Variants in ARHGAP24 observed in about 807,000 individuals in gnomAD.
The protein encoded by ARHGAP24 is rho GTPase-activating protein 24.
In ARHGAP24, 50 loss-of-function variants were observed where a neutral mutation model predicts 76.4. That is an observed-to-expected ratio of 0.65 (90% CI 0.52 to 0.83). The LOEUF (loss-of-function observed/expected upper bound fraction) is 0.83, where lower values mean the gene tolerates loss of function less well. Ranked by LOEUF, ARHGAP24 falls within the 40% of genes least tolerant of loss-of-function variation. ARHGAP24 has a pLI of 0.00. For missense variants in ARHGAP24, 930 were observed against 914.2 expected (o/e 1.02, Z -0.22); for synonymous variants, 345 against 323.3 (o/e 1.07, Z -0.72).
At chr4:85,552,868 C>G (rs942920474) in intron 1 of ARHGAP24, among the ~76,000 whole-genome samples, 3 of 152,022 alleles carry the variant, frequency 2.0e-5, no homozygotes, top group East Asian at 3.9e-4. Context: ...TTCTCTATCC[C>G]TTTACTTTGA....
intron 3 of ARHGAP24, among the ~76,000 whole-genome samples, chr4:85,775,206 C>T (rs1335140711): frequency 4.0e-5 from 6 of 149,888 alleles, no homozygotes; most frequent in Non-Finnish European, 8.9e-5. Flanking sequence ...GGGAAATCTT[C>T]TTTCTGAGGA....
At chr4:85,859,212 T>TACATACACAC (rs1731746961) in intron 3 of ARHGAP24, among the ~76,000 whole-genome samples, 1 of 145,454 alleles carries the variant, frequency 6.9e-6, no homozygotes, top group African/African-American at 2.5e-5. Flanking sequence ...GCCACATGCA[T>TACATACACAC]ACACACACAC....
At chr4:85,642,591 CA>C (rs1721562312) in intron 2 of ARHGAP24, among the ~76,000 whole-genome samples, 1 of 145,204 alleles carries the variant, frequency 6.9e-6, no homozygotes, top group Non-Finnish European at 1.5e-5. Context: ...CAATAGCTCA[CA>C]TTCATTTGAA....
chr4:85,479,314 G>A (rs116161908), intron 1 of ARHGAP24, among the ~76,000 whole-genome samples: 2 of 152,076 alleles, frequency 1.3e-5, no homozygotes, highest in African/African-American at 4.8e-5. Flanking sequence ...TTTTTCTTTT[G>A]GACATCACAA....
chr4:85,641,404 T>A lies in ARHGAP24; in HGVS notation c.180+70683T>A, dbSNP rs569187726. ...GTAGTTTAAGCAGCAGAAATTAATT[T>A]CCTCCCAATACTGGAGGTGAGAAAT... is the stretch of plus-strand genomic sequence containing the variant. On this transcript the variant is annotated intron_variant, in intron 2 of 9. Coordinates refer to ENST00000395184, the MANE Select transcript of ARHGAP24 (RefSeq NM_001025616.3). Among the ~76,000 whole-genome samples the A allele has an allele frequency of 5.9e-5, 9 of 152,304 alleles. No individual in the cohort carries two copies. In the East Asian group the frequency reaches 1.7e-3, roughly 29 times the overall value.
At chr4:85,785,012 T>C (rs1727763684) in intron 3 of ARHGAP24, among the ~76,000 whole-genome samples, 2 of 152,068 alleles carry the variant, frequency 1.3e-5, no homozygotes, top group South Asian at 2.1e-4. Flanking sequence ...TAAATATAGA[T>C]AGATATAATT....
At chr4:85,666,689 C>G (rs917450061) in intron 2 of ARHGAP24, among the ~76,000 whole-genome samples, 3 of 152,236 alleles carry the variant, frequency 2.0e-5, no homozygotes, top group African/African-American at 7.2e-5. Context: ...GATGTCCTTT[C>G]TGTTTGTTAG....
intron 3 of ARHGAP24, among the ~76,000 whole-genome samples, chr4:85,908,325 T>C (rs962703513): frequency 6.6e-6 from 1 of 152,230 alleles, no homozygotes; most frequent in Non-Finnish European, 1.5e-5. Context: ...ATGGTTTGTC[T>C]CCTTATTAAG....
intron 2 of ARHGAP24, among the ~76,000 whole-genome samples, chr4:85,598,315 A>G (rs1719909055): frequency 6.6e-6 from 1 of 152,126 alleles, no homozygotes; most frequent in South Asian, 2.1e-4. Flanking sequence ...GTCATATTTT[A>G]TAATTATGTC....
chr4:85,700,410 AATAAATAAAG>A lies in ARHGAP24; in HGVS notation c.181-21473_181-21464del, dbSNP rs768559967. On this transcript the variant is annotated intron_variant, in intron 2 of 9. Transcript: ENST00000395184. ...GATTCTGTCTAAAAAAAAAAAAATA[AATAAATAAAG>A]AAGAAGAAGAAAATGGAGCCAACAG... Among the ~76,000 whole-genome samples the A allele has an allele frequency of 9.7e-4, 24 of 24,676 alleles. 3 individuals are homozygous for A. Among genetic ancestry groups the A allele is most frequent in the Non-Finnish European group, 4.2e-3 (13 of 3,098 alleles). The allele number at this position is 24,676 out of a possible 152,430, so 16.2% of individuals were successfully genotyped here. A position where few individuals can be genotyped will look rare whatever the true frequency, so the allele number is the denominator to read the frequency against.
At chr4:85,780,469 G>A (rs1727501081) in intron 3 of ARHGAP24, among the ~76,000 whole-genome samples, 1 of 151,856 alleles carries the variant, frequency 6.6e-6, no homozygotes, top group Non-Finnish European at 1.5e-5. Flanking sequence ...ACTGCGCCCA[G>A]CCTTTTTTTA....
intron 2 of ARHGAP24, among the ~76,000 whole-genome samples, chr4:85,715,956 C>T (rs1156618572): frequency 1.3e-5 from 2 of 151,946 alleles, no homozygotes; most frequent in African/African-American, 4.8e-5. Flanking sequence ...TTTAATAAAA[C>T]CTGTTGAATA....
chr4:85,922,742 G>A (rs1343215051), intron 3 of ARHGAP24, among the ~76,000 whole-genome samples: 2 of 152,116 alleles, frequency 1.3e-5, no homozygotes, highest in African/African-American at 4.8e-5. Flanking sequence ...CTCAAGACCT[G>A]TTTCAAGGTC....
chr4:85,653,792 T>C (rs1320247707), intron 2 of ARHGAP24, among the ~76,000 whole-genome samples: 2 of 152,178 alleles, frequency 1.3e-5, no homozygotes, highest in Non-Finnish European at 2.9e-5. Flanking sequence ...AAGAATTCAG[T>C]TCTCCAGTTA....
intron 3 of ARHGAP24, among the ~76,000 whole-genome samples, chr4:85,921,824 T>G (rs1735734711): frequency 6.6e-6 from 1 of 152,104 alleles, no homozygotes; most frequent in South Asian, 2.1e-4. Flanking sequence ...GAACTGCACC[T>G]GAGAGGGATC....
chr4:85,870,745 G>A (rs761433309), intron 3 of ARHGAP24, among the ~76,000 whole-genome samples: 14 of 152,054 alleles, frequency 9.2e-5, no homozygotes, highest in Non-Finnish European at 1.5e-4. Flanking sequence ...TATTGAATGA[G>A]GGTTGTAGGT....
At chr4:85,851,187 C>A (rs927046449) in intron 3 of ARHGAP24, among the ~76,000 whole-genome samples, 2 of 151,732 alleles carry the variant, frequency 1.3e-5, no homozygotes, top group African/African-American at 4.9e-5. Context: ...TGAATTGATC[C>A]CTTTACCATT....
chr4:85,887,011 C>G (rs911231018), intron 3 of ARHGAP24, among the ~76,000 whole-genome samples: 1 of 151,984 alleles, frequency 6.6e-6, no homozygotes, highest in Admixed American at 6.6e-5. Context: ...GCTTTGGTAC[C>G]ATTTTTAAGA....
At chr4:85,926,364 A>G (rs1211828206) in intron 4 of ARHGAP24, among the ~76,000 whole-genome samples, 1 of 152,216 alleles carries the variant, frequency 6.6e-6, no homozygotes, top group Non-Finnish European at 1.5e-5. Context: ...TTTAATAAGT[A>G]TTATGAGACT....
Sources: gnomAD v4.1 joint callset for allele counts (sites outside exome capture counted in the v4.1 genomes callset) on GRCh38, gnomAD v4.1.1 for gene constraint, MANE v1.5 for transcripts, NCBI Gene and HGNC (gene_info 2026-07-23, HGNC 2026-07-21) for gene names.